ABCD3: variants seen among roughly 807,000 people sequenced by gnomAD.
The protein encoded by ABCD3 is ATP-binding cassette sub-family D member 3.
In ABCD3, 41 loss-of-function variants were observed where a neutral mutation model predicts 105.5. That is an observed-to-expected ratio of 0.39 (90% CI 0.30 to 0.50). The LOEUF is 0.50. Among genes scored for constraint, ABCD3 ranks in the 20% least tolerant of loss-of-function variants. The probability of loss-of-function intolerance (pLI) is 0.84; values close to 1 mark genes in which losing one functional copy is unlikely to be tolerated. For missense variants in ABCD3, 622 were observed against 806.3 expected (o/e 0.77, Z 2.77); for synonymous variants, 258 against 269.0 (o/e 0.96, Z 0.40).
In ABCD3 at chr1:94,418,419, G is replaced by A. The variant is rs1402106939; in HGVS notation, c.-60G>A. ...TCTCCCCCGCGCTGCGTGCAGTAAGGTAGCCGCCGCCGCCGCCGCCGCCGC... is the reference window on the plus strand; with the variant it reads ...TCTCCCCCGCGCTGCGTGCAGTAAGATAGCCGCCGCCGCCGCCGCCGCCGC... On this transcript the variant is annotated 5_prime_UTR_variant, in exon 1 of 23. Transcript: ENST00000370214. 1.4e-5 allele frequency: 20 copies of A among 1,450,950 alleles called. No homozygotes were observed. The highest frequency in any genetic ancestry group is 7.0e-5 in the African/African-American group (5 of 70,984). The allele number at this position is 1,450,950 out of a possible 1,614,324, so 89.9% of individuals were successfully genotyped here.
chr1:94,496,516 C>T (rs1222438782), intron 16 of ABCD3, among the ~76,000 whole-genome samples: 1 of 150,950 alleles, frequency 6.6e-6, no homozygotes, highest in Non-Finnish European at 1.5e-5. Context: ...TGGGTCGCTT[C>T]CTTGCTTCCA....
At chr1:94,485,056 A>G (rs550520540) in intron 10 of ABCD3, among the ~76,000 whole-genome samples, 5 of 152,288 alleles carry the variant, frequency 3.3e-5, no homozygotes, top group African/African-American at 1.2e-4. Flanking sequence ...GGGTGTGGCT[A>G]TGTTCTAATA....
the ABCD3 span, among the ~76,000 whole-genome samples, chr1:94,389,551 A>G: frequency 2.0e-5 from 3 of 152,172 alleles, no homozygotes; most frequent in Admixed American, 2.0e-4. Flanking sequence ...CATAAGGAAT[A>G]CTTCTAGTTA....
intron 21 of ABCD3, among the ~76,000 whole-genome samples, chr1:94,508,124 G>C (rs1326664047): frequency 1.3e-5 from 2 of 152,074 alleles, no homozygotes; most frequent in South Asian, 2.1e-4. Flanking sequence ...TATGGTTTTA[G>C]GTCTAACGTT....
rs370166465 is a variant in ABCD3 at position 94,499,040 on chromosome 1, G to A, written c.1620+6G>A. On this transcript the variant is annotated splice_donor_region_variant and intron_variant, in intron 19 of 22. Transcript: ENST00000370214. Reference sequence around the variant, plus strand: ...GGAAGGGAATTTCTGACCTAGTAAGGGAATGTTTATATCCTAGATCCACTG... The same window carrying A: ...GGAAGGGAATTTCTGACCTAGTAAGAGAATGTTTATATCCTAGATCCACTG... 5.0e-6 allele frequency: 8 copies of A among 1,604,526 alleles called. No homozygotes were observed. The highest frequency in any genetic ancestry group is 2.7e-5 in the African/African-American group (2 of 74,752).
rs981084308 is a variant in ABCD3 at position 94,483,325 on chromosome 1, A to T, written c.897+86A>T. 8.9e-6 allele frequency: 8 copies of T among 898,914 alleles called. No homozygotes were observed. In the Admixed American group the frequency reaches 1.1e-4, roughly 12 times the overall value. The allele number at this position is 898,914 out of a possible 1,614,324, so 55.7% of individuals were successfully genotyped here. On this transcript the variant is annotated intron_variant, in intron 10 of 22. Coordinates refer to ENST00000370214, the MANE Select transcript of ABCD3 (RefSeq NM_002858.4). ...TTGCCTATGGCCGACACACATACAC[A>T]CACACACAAACACACACGTATGTAT...
chr1:94,440,368 T>C (rs546546428), intron 1 of ABCD3, among the ~76,000 whole-genome samples: 2 of 152,382 alleles, frequency 1.3e-5, no homozygotes, highest in African/African-American at 4.8e-5. Flanking sequence ...TGTTTCTTTC[T>C]TACCCTTTGT....
chr1:94,442,837 A>G (rs1021916965), intron 1 of ABCD3, among the ~76,000 whole-genome samples: 1 of 152,136 alleles, frequency 6.6e-6, no homozygotes, highest in African/African-American at 2.4e-5. Flanking sequence ...CATGGTATAT[A>G]TGTACATTTT....
At chr1:94,420,821 A>G (rs746873844) in intron 1 of ABCD3, among the ~76,000 whole-genome samples, 1 of 152,056 alleles carries the variant, frequency 6.6e-6, no homozygotes, top group Non-Finnish European at 1.5e-5. Context: ...GATTAATTTT[A>G]ATATCTGGTG....
chr1:94,499,640 C>A, intron 20 of ABCD3, 26 bp downstream of exon 20: 1 of 1,612,182 alleles, frequency 6.2e-7, no homozygotes, highest in African/African-American at 1.3e-5. Flanking sequence ...AGAAGTTGCA[C>A]AAGAATGCAA....
the ABCD3 span, among the ~76,000 whole-genome samples, chr1:94,393,585 G>T: frequency 6.6e-6 from 1 of 152,122 alleles, no homozygotes; most frequent in Non-Finnish European, 1.5e-5. Context: ...GTTGCAGTGA[G>T]CTGAGATCAT....
chr1:94,412,202 C>G, the ABCD3 span, among the ~76,000 whole-genome samples: 4 of 152,136 alleles, frequency 2.6e-5, no homozygotes. Context: ...AATATATTCA[C>G]ATGGTTAAAA....
chr1:94,465,017 T>G, intron 3 of ABCD3, 144 bp downstream of exon 3: 1 of 733,446 alleles, frequency 1.4e-6, no homozygotes, highest in Admixed American at 2.5e-5. Context: ...TCTCCTCCAC[T>G]TCCGGGGAGG....
chr1:94,487,624 T>C lies in ABCD3; in HGVS notation c.967+13T>C. On this transcript the variant is annotated intron_variant, in intron 11 of 22. Coordinates refer to ENST00000370214, the MANE Select transcript of ABCD3 (RefSeq NM_002858.4). ...ATTATTGCCAAATGTAAGTATATTT[T>C]GAAAGAGATGAGATTTGTGGAAAAG... 1 of 1,613,316 alleles carries C rather than the reference T, an allele frequency of 6.2e-7. No individual in the cohort carries two copies. Among genetic ancestry groups the C allele is most frequent in the Non-Finnish European group, 8.5e-7 (1 of 1,179,330 alleles).
chr1:94,454,486 G>A (rs983866701), intron 1 of ABCD3, among the ~76,000 whole-genome samples: 2 of 152,056 alleles, frequency 1.3e-5, no homozygotes, highest in Non-Finnish European at 2.9e-5. Context: ...TTCAAGTCAG[G>A]GGCTCGGGAA....
chr1:94,473,189 T>A (rs1343470999), intron 4 of ABCD3, among the ~76,000 whole-genome samples: 2 of 152,118 alleles, frequency 1.3e-5, no homozygotes, highest in African/African-American at 4.8e-5. Flanking sequence ...ACCTGCCATC[T>A]GTTTTGGTAA....
intron 1 of ABCD3, among the ~76,000 whole-genome samples, chr1:94,456,955 G>A (rs979565971): frequency 6.6e-6 from 1 of 152,118 alleles, no homozygotes; most frequent in African/African-American, 2.4e-5. Context: ...AGAAGTATGA[G>A]TATTATCCCA....
At chr1:94,417,129 G>A (rs1034931842), upstream of ABCD3, among the ~76,000 whole-genome samples, 6 of 152,098 alleles carry the variant, frequency 3.9e-5, no homozygotes, top group African/African-American at 1.4e-4. Context: ...AACTTTCAGA[G>A]GGCCAAAACC....
chr1:94,510,507 T>C (rs576472767), intron 21 of ABCD3, among the ~76,000 whole-genome samples: 5 of 152,162 alleles, frequency 3.3e-5, no homozygotes, highest in African/African-American at 9.7e-5. Flanking sequence ...CTATTAGGTC[T>C]GCTTGGTGCA....
Sources: gnomAD v4.1 joint callset for allele counts (sites outside exome capture counted in the v4.1 genomes callset) on GRCh38, gnomAD v4.1.1 for gene constraint, MANE v1.5 for transcripts, NCBI Gene and HGNC (gene_info 2026-07-23, HGNC 2026-07-21) for gene names.